The following PRDM5 variants were observed in gnomAD, a reference collection of about 807,000 sequenced individuals.
The protein encoded by PRDM5 is PR domain zinc finger protein 5.
PRDM5 carries 56 observed loss-of-function variants against 81.2 expected under a neutral mutation model. The ratio of observed to expected loss-of-function variants is 0.69; its 90% CI spans 0.56 to 0.86. The LOEUF is 0.86. PRDM5 is among the 40% of genes least tolerant of loss of function. The pLI, the probability that PRDM5 is intolerant of heterozygous loss-of-function variation, is 0.00. For synonymous variants in PRDM5, 267 were observed against 256.4 expected (o/e 1.04, Z -0.39); for missense variants, 697 against 770.1 (o/e 0.91, Z 1.12).
At chr4:120,757,848 TTCC>T (rs1249338355) in intron 13 of PRDM5, among the ~76,000 whole-genome samples, 24 of 150,888 alleles carry the variant, frequency 1.6e-4, no homozygotes, top group African/African-American at 5.6e-4. Flanking sequence ...TCTCCTCCTC[TTCC>T]TCCTCCTCCT....
intron 14 of PRDM5, among the ~76,000 whole-genome samples, chr4:120,717,599 T>C (rs759168502): frequency 1.3e-5 from 2 of 152,164 alleles, no homozygotes; most frequent in Non-Finnish European, 2.9e-5. Context: ...GAACATGAAG[T>C]CTTTAGAAAT....
At chr4:120,870,185 C>G (rs1029375525) in intron 2 of PRDM5, among the ~76,000 whole-genome samples, 4 of 152,004 alleles carry the variant, frequency 2.6e-5, no homozygotes, top group African/African-American at 9.7e-5. Flanking sequence ...GCCTGCTGGT[C>G]TCAAACTCTG....
At position 120,699,161 on chromosome 4, in the gene PRDM5, A is replaced by AATATATAT. The variant is rs70948358; in HGVS notation, c.1729-3894_1729-3887dup. Among the ~76,000 whole-genome samples, 342 of 73,224 alleles carry AATATATAT rather than the reference A, an allele frequency of 4.7e-3. 5 individuals are homozygous for AATATATAT. Among genetic ancestry groups the AATATATAT allele is most frequent in the African/African-American group, 0.011 (242 of 22,364 alleles). The allele number at this position is 73,224 out of a possible 152,430, so 48.0% of individuals were successfully genotyped here. On this transcript the variant is annotated intron_variant, in intron 15 of 15. Coordinates refer to ENST00000264808, the MANE Select transcript of PRDM5 (RefSeq NM_018699.4). The stretch of plus-strand genomic sequence containing the variant: ...TGTATAGGCAATTATAGGAAATATA[A>AATATATAT]ATATATATATATATATATATATATA...
At chr4:120,749,595 A>C (rs917548325) in intron 14 of PRDM5, among the ~76,000 whole-genome samples, 8 of 152,188 alleles carry the variant, frequency 5.3e-5, no homozygotes, top group African/African-American at 1.7e-4. Context: ...CCTGCCTCAC[A>C]CAGGAAACAA....
chr4:120,889,650 AC>A (rs1763827868), intron 2 of PRDM5, among the ~76,000 whole-genome samples: 1 of 152,152 alleles, frequency 6.6e-6, no homozygotes, highest in South Asian at 2.1e-4. Flanking sequence ...TGTGTGTTAC[AC>A]GGTTTGGTAT....
At chr4:120,728,417 T>A (rs1450382696) in intron 14 of PRDM5, among the ~76,000 whole-genome samples, 1 of 152,260 alleles carries the variant, frequency 6.6e-6, no homozygotes, top group Admixed American at 6.5e-5. Flanking sequence ...CATAGGAAAC[T>A]AAATGATGTA....
At chr4:120,687,457 A>C (rs569245335), downstream of PRDM5, among the ~76,000 whole-genome samples, 5 of 152,150 alleles carry the variant, frequency 3.3e-5, no homozygotes, top group East Asian at 1.9e-4. Context: ...ATATGAAATT[A>C]TTTCTTTCTT....
intron 10 of PRDM5, among the ~76,000 whole-genome samples, chr4:120,795,710 C>T (rs866878464): frequency 2.0e-5 from 3 of 151,978 alleles, no homozygotes; most frequent in Admixed American, 6.6e-5. Flanking sequence ...GTCAGGAGTT[C>T]TAGACCAGCC....
intron 11 of PRDM5, 95 bp from the exon 12 acceptor site, chr4:120,781,398 G>A (rs964301536): frequency 9.7e-6 from 11 of 1,138,058 alleles, no homozygotes; most frequent in Non-Finnish European, 1.4e-5. Flanking sequence ...CCAAAATGTT[G>A]GCTTTGTAGC....
chr4:120,865,093 C>G (rs1424881812), intron 2 of PRDM5, among the ~76,000 whole-genome samples: 1 of 152,148 alleles, frequency 6.6e-6, no homozygotes, highest in Admixed American at 6.5e-5. Flanking sequence ...GGGCTTCTTC[C>G]CTTGATGTGA....
chr4:120,826,452 T>C (rs142384411), intron 3 of PRDM5, among the ~76,000 whole-genome samples: 3 of 152,280 alleles, frequency 2.0e-5, no homozygotes, highest in African/African-American at 7.2e-5. Flanking sequence ...TTTACTTCTG[T>C]GGTTTTTGTC....
At chr4:120,881,492 A>T (rs1487333788) in intron 2 of PRDM5, among the ~76,000 whole-genome samples, 2 of 152,222 alleles carry the variant, frequency 1.3e-5, no homozygotes, top group African/African-American at 4.8e-5. Context: ...ATTATGTGTC[A>T]TGAAGTAGAA....
intron 2 of PRDM5, among the ~76,000 whole-genome samples, chr4:120,890,408 T>C (rs753579501): frequency 1.3e-5 from 2 of 152,234 alleles, no homozygotes; most frequent in Non-Finnish European, 2.9e-5. Context: ...CTATCTCCAA[T>C]TGGGAAATCA....
chr4:120,845,621 G>GCT (rs1758565789), intron 3 of PRDM5, among the ~76,000 whole-genome samples: 1 of 150,688 alleles, frequency 6.6e-6, no homozygotes, highest in Admixed American at 6.6e-5. Context: ...TCACCCAAGA[G>GCT]CTCTGATGGA....
intron 11 of PRDM5, among the ~76,000 whole-genome samples, chr4:120,783,592 C>A (rs1299237420): frequency 6.6e-6 from 1 of 152,112 alleles, no homozygotes; most frequent in Non-Finnish European, 1.5e-5. Flanking sequence ...TTGTCCAAAT[C>A]TCTATTCTAA....
intron 8 of PRDM5, among the ~76,000 whole-genome samples, chr4:120,804,883 A>C (rs957139801): frequency 1.3e-5 from 2 of 152,214 alleles, no homozygotes; most frequent in African/African-American, 4.8e-5. Flanking sequence ...AGACACAAAA[A>C]ACCCTTCAAA....
chr4:120,905,242 T>A (rs977302840), intron 2 of PRDM5, among the ~76,000 whole-genome samples: 12 of 152,190 alleles, frequency 7.9e-5, no homozygotes, highest in African/African-American at 2.7e-4. Flanking sequence ...CTCAGTCACC[T>A]CCACTCCTCA....
intron 14 of PRDM5, among the ~76,000 whole-genome samples, chr4:120,712,154 C>A (rs139525621): frequency 3.3e-5 from 5 of 151,838 alleles, no homozygotes; most frequent in Admixed American, 6.6e-5. Flanking sequence ...GGCATGGTGG[C>A]GGGCACCTGT....
intron 8 of PRDM5, among the ~76,000 whole-genome samples, chr4:120,808,763 G>A (rs1465641426): frequency 6.6e-6 from 1 of 152,214 alleles, no homozygotes; most frequent in Non-Finnish European, 1.5e-5. Flanking sequence ...CTACAGGGAG[G>A]TAGCTAAGGC....
Sources: gnomAD v4.1 joint callset for allele counts (sites outside exome capture counted in the v4.1 genomes callset) on GRCh38, gnomAD v4.1.1 for gene constraint, MANE v1.5 for transcripts, NCBI Gene and HGNC (gene_info 2026-07-23, HGNC 2026-07-21) for gene names.